NWD1: variants seen among roughly 807,000 people sequenced by gnomAD.
The protein encoded by NWD1 is NACHT domain- and WD repeat-containing protein 1.
NWD1 carries 129 observed loss-of-function variants against 135.1 expected under a neutral mutation model. The ratio of observed to expected loss-of-function variants is 0.96; its 90% CI spans 0.83 to 1.11. The LOEUF is 1.11. Among genes scored for constraint, NWD1 ranks in the 50% least tolerant of loss-of-function variants. The probability of loss-of-function intolerance (pLI) is 0.00; values close to 1 mark genes in which losing one functional copy is unlikely to be tolerated. For missense variants in NWD1, 1,740 were observed against 1,851.3 expected (o/e 0.94, Z 1.10); for synonymous variants, 773 against 786.0 (o/e 0.98, Z 0.28).
intron 2 of NWD1, among the ~76,000 whole-genome samples, chr19:16,729,063 T>G (rs1036222811): frequency 2.0e-5 from 3 of 151,932 alleles, no homozygotes; most frequent in African/African-American, 7.3e-5. Context: ...CTCTATGATG[T>G]GAATGCAGCT....
chr19:16,788,546 G>A (rs1317042222), intron 12 of NWD1, among the ~76,000 whole-genome samples: 3 of 147,088 alleles, frequency 2.0e-5, no homozygotes, highest in Admixed American at 1.4e-4. Flanking sequence ...TCCAGCCTGG[G>A]TGACAGAGAG....
chr19:16,765,328 A>G lies in NWD1; in HGVS notation c.2410+136A>G, dbSNP rs183859033. 1.3e-4 allele frequency: 115 copies of G among 912,842 alleles called. No homozygotes were observed. In the East Asian group the frequency reaches 3.1e-3, roughly 24 times the overall value. The allele number at this position is 912,842 out of a possible 1,614,324, so 56.5% of individuals were successfully genotyped here. On this transcript the variant is annotated intron_variant, in intron 10 of 18. Coordinates refer to ENST00000524140, the MANE Select transcript of NWD1 (RefSeq NM_001007525.5). ...TGTCTAAACATGTGAATTTTCCCCC[A>G]GCAGTGCTTCTAGAATTTTTTTTGA...
chr19:16,750,992 C>T (rs932727826), intron 6 of NWD1, among the ~76,000 whole-genome samples: 9 of 151,434 alleles, frequency 5.9e-5, no homozygotes, highest in African/African-American at 1.9e-4. Flanking sequence ...GAGGCCGAGG[C>T]GGGCGGATCA....
intron 6 of NWD1, among the ~76,000 whole-genome samples, chr19:16,755,828 G>A (rs955029481): frequency 1.3e-4 from 20 of 151,974 alleles, no homozygotes; most frequent in Admixed American, 3.3e-4. Context: ...GTGAGCCACC[G>A]TACCTGGCCT....
chr19:16,744,536 C>T lies in NWD1; in HGVS notation c.314C>T (p.Ala105Val). The T allele has an allele frequency of 2.0e-6, 3 of 1,535,976 alleles. No individual in the cohort carries two copies. The highest frequency in any genetic ancestry group is 2.6e-6 in the Non-Finnish European group (3 of 1,146,848). ...TARPSDLELV[A>V]RYFQRDENAF... Reference sequence around the variant, plus strand: ...AGGCCAAGTGACCTGGAGCTGGTGGCACGATACTTCCAGAGGGACGAGAAT... The same window carrying T: ...AGGCCAAGTGACCTGGAGCTGGTGGTACGATACTTCCAGAGGGACGAGAAT... The change falls in exon 5 of 19, where the codon GCA (alanine) becomes GTA (valine). Residue 105 changes from alanine to valine, a missense_variant. Physicochemically the swap from Ala to Val is moderately conservative, Grantham distance 64. Coordinates refer to ENST00000524140, the MANE Select transcript of NWD1 (RefSeq NM_001007525.5).
At chr19:16,788,945 C>A in intron 12 of NWD1, 37 bp from the exon 13 acceptor site, 2 of 1,504,822 alleles carry the variant, frequency 1.3e-6, no homozygotes, top group African/African-American at 1.4e-5. Flanking sequence ...AAAATGTTCC[C>A]AGCTAATATA....
Position 16,779,437 on chromosome 19 carries a change from T to G in NWD1, c.2703T>G (p.His901Gln). 3 of 1,613,544 alleles carry G rather than the reference T, an allele frequency of 1.9e-6. No homozygotes were observed. Among genetic ancestry groups the G allele is most frequent in the Non-Finnish European group, 2.5e-6 (3 of 1,179,922 alleles). Reference sequence around the variant, plus strand: ...CTGTGTGGGACATGGAAGAGCAGCATGTGATCCACATGCTAACTGGACACA... The same window carrying G: ...CTGTGTGGGACATGGAAGAGCAGCAGGTGATCCACATGCTAACTGGACACA... ...IMAVWDMEEQHVIHMLTGHTG... is the reference protein window; with the variant it reads ...IMAVWDMEEQQVIHMLTGHTG... Residue 901 changes from histidine (H) to glutamine (Q), a missense_variant, in exon 12 of 19, where the codon CAT (histidine) becomes CAG (glutamine). Physicochemically the swap from His to Gln is conservative, Grantham distance 24 (BLOSUM62 0). Coordinates refer to ENST00000524140, the MANE Select transcript of NWD1 (RefSeq NM_001007525.5).
At chr19:16,758,786 G>A (rs991949482) in intron 6 of NWD1, among the ~76,000 whole-genome samples, 1 of 152,038 alleles carries the variant, frequency 6.6e-6, no homozygotes, top group Non-Finnish European at 1.5e-5. Flanking sequence ...GAGGCAGGTG[G>A]ATCACGAGGT....
chr19:16,800,975 A>G (rs1188488678), intron 17 of NWD1, among the ~76,000 whole-genome samples: 1 of 152,024 alleles, frequency 6.6e-6, no homozygotes, highest in Non-Finnish European at 1.5e-5. Context: ...TCTACTAAAA[A>G]TTTAAAAAAT....
At chr19:16,784,737 T>C (rs919742185) in intron 12 of NWD1, among the ~76,000 whole-genome samples, 7 of 151,950 alleles carry the variant, frequency 4.6e-5, no homozygotes, top group Admixed American at 4.6e-4. Flanking sequence ...GAGACCATCC[T>C]GGCCAACATG....
chr19:16,801,977 C>A (rs1245041754), intron 17 of NWD1, among the ~76,000 whole-genome samples: 1 of 151,666 alleles, frequency 6.6e-6, no homozygotes, highest in African/African-American at 2.4e-5. Flanking sequence ...GCAACATGGA[C>A]CTTGTCGCAA....
chr19:16,777,890 G>T (rs1250477185), intron 11 of NWD1, among the ~76,000 whole-genome samples: 2 of 100,578 alleles, frequency 2.0e-5, no homozygotes, highest in Admixed American at 9.6e-5. Flanking sequence ...AGAGGAAAGG[G>T]GAAGGAAAGA....
intron 8 of NWD1, among the ~76,000 whole-genome samples, chr19:16,763,580 C>A (rs779028401): frequency 6.6e-6 from 1 of 152,158 alleles, no homozygotes; most frequent in Admixed American, 6.6e-5. Context: ...GTTCCGATGC[C>A]TCTGCCTTCA....
rs573522132 is a variant in NWD1 at position 16,725,041 on chromosome 19, T to A, written c.-7+578T>A. Among the ~76,000 whole-genome samples the A allele has an allele frequency of 9.3e-5, 14 of 150,660 alleles. No homozygotes were observed. In the South Asian group the frequency reaches 1.3e-3, roughly 14 times the overall value. On this transcript the variant is annotated intron_variant, in intron 2 of 18. Coordinates refer to ENST00000524140, the MANE Select transcript of NWD1 (RefSeq NM_001007525.5). ...TTTTTTTATTTTTTGAGACGGGGTC[T>A]CACTCTGTCGCCCAGGCTGGAGTGC...
chr19:16,734,706 G>A (rs1027108042), intron 3 of NWD1, among the ~76,000 whole-genome samples: 2 of 151,334 alleles, frequency 1.3e-5, no homozygotes, highest in Non-Finnish European at 2.9e-5. Context: ...AAGTATCTGA[G>A]ACTACAGGCA....
chr19:16,797,458 G>A (rs1275958327), intron 15 of NWD1, among the ~76,000 whole-genome samples: 1 of 151,270 alleles, frequency 6.6e-6, no homozygotes, highest in African/African-American at 2.4e-5. Context: ...GGCCTCCTGA[G>A]TAGCTGGGAT....
chr19:16,752,860 G>A (rs112260115), intron 6 of NWD1, among the ~76,000 whole-genome samples: 130 of 152,264 alleles, frequency 8.5e-4, no homozygotes, highest in Admixed American at 2.1e-3. Flanking sequence ...TTAGCTGGGC[G>A]TGGTGGCTCA....
At chr19:16,783,526 C>T (rs547304848) in intron 12 of NWD1, among the ~76,000 whole-genome samples, 1 of 151,912 alleles carries the variant, frequency 6.6e-6, no homozygotes, top group Non-Finnish European at 1.5e-5. Context: ...CCCAGCTACT[C>T]GGGAGGCTGA....
chr19:16,771,884 C>A (rs1253550968), intron 10 of NWD1, among the ~76,000 whole-genome samples: 1 of 150,814 alleles, frequency 6.6e-6, no homozygotes, highest in African/African-American at 2.4e-5. Flanking sequence ...CAACTTCTGC[C>A]TCCTGGGTTC....
Sources: gnomAD v4.1 joint callset for allele counts (sites outside exome capture counted in the v4.1 genomes callset) on GRCh38, gnomAD v4.1.1 for gene constraint, MANE v1.5 for transcripts, NCBI Gene and HGNC (gene_info 2026-07-23, HGNC 2026-07-21) for gene names.